The following WDPCP variants were observed in gnomAD, a reference collection of about 807,000 sequenced individuals.
The protein encoded by WDPCP is WD repeat containing planar cell polarity effector.
Under a neutral mutation model 93.1 loss-of-function variants are expected in WDPCP, and 71 were observed. That is an observed-to-expected ratio of 0.76 (90% CI 0.63 to 0.93). The LOEUF (loss-of-function observed/expected upper bound fraction) is 0.93, where lower values mean the gene tolerates loss of function less well. WDPCP is among the 40% of genes least tolerant of loss of function. The pLI, the probability that WDPCP is intolerant of heterozygous loss-of-function variation, is 0.00. For synonymous variants in WDPCP, 315 were observed against 315.0 expected (o/e 1.00, Z 0.00); for missense variants, 844 against 887.4 (o/e 0.95, Z 0.62).
chr2:63,835,314 T>A, the WDPCP span, among the ~76,000 whole-genome samples: 2 of 140,330 alleles, frequency 1.4e-5, no homozygotes, highest in African/African-American at 5.4e-5. Flanking sequence ...TGCTTGAACC[T>A]GGGAGGCAGA....
intron 12 of WDPCP, among the ~76,000 whole-genome samples, chr2:63,351,455 G>A (rs1689607347): frequency 2.0e-5 from 3 of 151,798 alleles, no homozygotes. Flanking sequence ...AGTCCACAGT[G>A]TCTGTCGTTC....
Position 63,345,285 on chromosome 2 carries a change from G to A in WDPCP, c.1749-31974C>T, listed in dbSNP as rs1042298474. On this transcript the variant is annotated intron_variant, in intron 12 of 17. Transcript: ENST00000272321. ...TCCATAAGCTGCTCCTAGGCAATGG[G>A]TGATTATTCAGAAAGAGCAATACTA... 3.3e-5 allele frequency among the ~76,000 whole-genome samples: 5 copies of A among 152,140 alleles called. No homozygotes were observed. The East Asian group carries it at 5.8e-4, about 18-fold the overall frequency.
At chr2:63,711,412 T>G (rs1308928670) in intron 2 of WDPCP, 1 of 152,176 alleles carries the variant, frequency 6.6e-6, no homozygotes, top group Non-Finnish European at 1.5e-5. Context: ...AATGGAAGGA[T>G]ACTTTCCATA....
rs1289758706 is a variant in WDPCP, at chr2:63,120,860, C to T, written c.*1146G>A. 1.3e-5 allele frequency among the ~76,000 whole-genome samples: 2 copies of T among 151,952 alleles called. No homozygotes were observed. Among genetic ancestry groups the T allele is most frequent in the African/African-American group, 4.8e-5 (2 of 41,370 alleles). ...ATAGATGTCTATAATTGTGAAATATCAGTTATCTGCTAAAGAATGGGTGTC... is the reference window on the plus strand; with the variant it reads ...ATAGATGTCTATAATTGTGAAATATTAGTTATCTGCTAAAGAATGGGTGTC... On this transcript the variant is annotated 3_prime_UTR_variant, in exon 18 of 18. Coordinates refer to ENST00000272321, the MANE Select transcript of WDPCP (RefSeq NM_015910.7).
intron 2 of WDPCP, among the ~76,000 whole-genome samples, chr2:63,688,701 T>C (rs1161696131): frequency 6.6e-6 from 1 of 152,158 alleles, no homozygotes; most frequent in East Asian, 1.9e-4. Flanking sequence ...GATAGGATTA[T>C]TAGGCATTGC....
intron 14 of WDPCP, among the ~76,000 whole-genome samples, chr2:63,215,267 G>A (rs1677217175): frequency 6.6e-6 from 1 of 151,980 alleles, no homozygotes; most frequent in Non-Finnish European, 1.5e-5. Flanking sequence ...TAGACCAATG[G>A]ATCAGAACAG....
chr2:63,821,550 G>A (rs1671017425), intron 1 of WDPCP, among the ~76,000 whole-genome samples: 1 of 152,014 alleles, frequency 6.6e-6, no homozygotes, highest in African/African-American at 2.4e-5. Context: ...TGGGAGACGT[G>A]GAAGCTTTGT....
intron 1 of WDPCP, among the ~76,000 whole-genome samples, chr2:63,543,549 G>T (rs565271534): frequency 6.6e-6 from 1 of 151,730 alleles, no homozygotes; most frequent in South Asian, 2.1e-4. Context: ...AAGACTTAAG[G>T]CTTTAAATTA....
At chr2:63,222,158 T>A (rs1427316265) in intron 14 of WDPCP, among the ~76,000 whole-genome samples, 1 of 152,188 alleles carries the variant, frequency 6.6e-6, no homozygotes, top group Admixed American at 6.5e-5. Flanking sequence ...TCTCTCTATA[T>A]ATATGTTTAC....
chr2:63,214,195 A>C (rs1047783573), intron 14 of WDPCP, among the ~76,000 whole-genome samples: 1 of 152,160 alleles, frequency 6.6e-6, no homozygotes, highest in Non-Finnish European at 1.5e-5. Flanking sequence ...ACCAATATCC[A>C]TGATGAACAT....
intron 14 of WDPCP, among the ~76,000 whole-genome samples, chr2:63,250,024 C>T (rs1010378234): frequency 2.0e-4 from 31 of 152,240 alleles, no homozygotes; most frequent in Admixed American, 4.6e-4. Context: ...TAGCAAGCTC[C>T]GCATATGATA....
chr2:63,408,492 G>A lies in WDPCP; in HGVS notation c.826-3835C>T, dbSNP rs370421084. ...GATACCATAGGGATCCATTGAGGGG[G>A]TGGCCAGAAGGAAGACGGGTAAAAC... On this transcript the variant is annotated intron_variant, in intron 9 of 17. Coordinates refer to ENST00000272321, the MANE Select transcript of WDPCP (RefSeq NM_015910.7). 2.6e-5 allele frequency among the ~76,000 whole-genome samples: 4 copies of A among 152,286 alleles called. No individual in the cohort carries two copies. The East Asian group carries it at 5.8e-4, about 22-fold the overall frequency.
At chr2:63,737,534 T>C (rs1669655107) in intron 2 of WDPCP, among the ~76,000 whole-genome samples, 1 of 152,170 alleles carries the variant, frequency 6.6e-6, no homozygotes, top group Non-Finnish European at 1.5e-5. Flanking sequence ...TACTCAGACA[T>C]GTTCAACCTC....
In WDPCP at chr2:63,120,925, G is replaced by C. The variant is rs554565631; in HGVS notation, c.*1081C>G. 2.6e-5 allele frequency among the ~76,000 whole-genome samples: 4 copies of C among 152,102 alleles called. No individual in the cohort carries two copies. The highest frequency in any genetic ancestry group is 4.4e-5 in the Non-Finnish European group (3 of 68,020). ...GTATGAGATTTTACCCTACTTACTAGCTAACAAGTTACCACACTATAGTTT... is the reference window on the plus strand; with the variant it reads ...GTATGAGATTTTACCCTACTTACTACCTAACAAGTTACCACACTATAGTTT... On this transcript the variant is annotated 3_prime_UTR_variant, in exon 18 of 18. Coordinates refer to ENST00000272321, the MANE Select transcript of WDPCP (RefSeq NM_015910.7).
In WDPCP at chr2:63,235,613, C is replaced by T. The variant is rs1456199208; in HGVS notation, c.1915+23694G>A. Among the ~76,000 whole-genome samples the T allele has an allele frequency of 3.9e-5, 6 of 152,210 alleles. No individual in the cohort carries two copies. In the East Asian group the frequency reaches 1.2e-3, roughly 29 times the overall value. ...AAAAATCCTCGACAAAATTCTAACA[C>T]ATCAAATCCAGCAGCAAATTAAAAA... On this transcript the variant is annotated intron_variant, in intron 14 of 17. Coordinates refer to ENST00000272321, the MANE Select transcript of WDPCP (RefSeq NM_015910.7).
intron 2 of WDPCP, among the ~76,000 whole-genome samples, chr2:63,694,073 C>T (rs1413154138): frequency 6.6e-6 from 1 of 152,048 alleles, no homozygotes; most frequent in Non-Finnish European, 1.5e-5. Context: ...TCATTCTTCC[C>T]TCCTCTTCTC....
intron 15 of WDPCP, among the ~76,000 whole-genome samples, chr2:63,154,412 T>A (rs1046887966): frequency 1.3e-5 from 2 of 152,132 alleles, no homozygotes; most frequent in Admixed American, 1.3e-4. Flanking sequence ...CATATAAACT[T>A]TTGTGACTGA....
At chr2:63,422,093 A>T (rs1335562199) in intron 9 of WDPCP, among the ~76,000 whole-genome samples, 1 of 152,212 alleles carries the variant, frequency 6.6e-6, no homozygotes, top group Non-Finnish European at 1.5e-5. Flanking sequence ...ACAGCCTAAT[A>T]TCCCTAACAC....
At chr2:63,657,209 T>TTG (rs1553448110) in intron 2 of WDPCP, among the ~76,000 whole-genome samples, 1 of 145,548 alleles carries the variant, frequency 6.9e-6, no homozygotes, top group Admixed American at 6.8e-5. Flanking sequence ...GGTGATGTTT[T>TTG]TTTTTTTTTT....
Sources: allele counts gnomAD v4.1 joint callset (sites outside exome capture counted in the v4.1 genomes callset), GRCh38; gene constraint gnomAD v4.1.1; transcripts MANE v1.5; gene names NCBI Gene and HGNC (gene_info 2026-07-23, HGNC 2026-07-21).